NAA16: variants seen among roughly 807,000 people sequenced by gnomAD.
The protein encoded by NAA16 is N-alpha-acetyltransferase 16, NatA auxiliary subunit.
In NAA16, 97 loss-of-function variants were observed where a neutral mutation model predicts 110.3. The ratio of observed to expected loss-of-function variants is 0.88; its 90% CI spans 0.75 to 1.04. The LOEUF (loss-of-function observed/expected upper bound fraction) is 1.04, where lower values mean the gene tolerates loss of function less well. NAA16 is among the 50% of genes least tolerant of loss of function. The pLI is 0.00. For synonymous variants in NAA16, 372 were observed against 330.6 expected (o/e 1.13, Z -1.36); for missense variants, 1,017 against 1,005.1 (o/e 1.01, Z -0.16).
At chr13:41,342,060 C>T (rs1426592524) in intron 9 of NAA16, among the ~76,000 whole-genome samples, 1 of 151,222 alleles carries the variant, frequency 6.6e-6, no homozygotes, top group Non-Finnish European at 1.5e-5. Flanking sequence ...TCTCGATCTC[C>T]TGACCTCGTG....
intron 15 of NAA16, among the ~76,000 whole-genome samples, chr13:41,371,512 C>G (rs780844935): frequency 3.0e-4 from 46 of 152,254 alleles, no homozygotes; most frequent in Non-Finnish European, 5.1e-4. Flanking sequence ...TTCAGCCTAC[C>G]CAACATGAAG....
chr13:41,335,176 T>A (rs1002224148), intron 8 of NAA16, among the ~76,000 whole-genome samples: 1 of 151,436 alleles, frequency 6.6e-6, no homozygotes, highest in Non-Finnish European at 1.5e-5. Context: ...ATTGCAAGAA[T>A]AGAAAACAAA....
At chr13:41,355,446 T>C (rs545363065) in intron 10 of NAA16, among the ~76,000 whole-genome samples, 1 of 152,344 alleles carries the variant, frequency 6.6e-6, no homozygotes, top group Admixed American at 6.5e-5. Context: ...TGTTTGTTTT[T>C]TGAGACGGAG....
In NAA16 at chr13:41,369,156, A is replaced by T. The variant is rs762277660; in HGVS notation, c.1820A>T (p.Lys607Ile). Residue 607 changes from lysine to isoleucine, a missense_variant, in exon 15 of 20, where the codon AAA becomes ATA. Transcript: ENST00000379406. ...CAGAGAAGAGCTCAGAAAAAGGCTAAACTAGAAGAAGAAAGAAAGCATGCA... is the reference window on the plus strand; with the variant it reads ...CAGAGAAGAGCTCAGAAAAAGGCTATACTAGAAGAAGAAAGAAAGCATGCA... ...SKQRRAQKKA[K>I]LEEERKHAER... 6.3e-7 allele frequency: 1 copy of T among 1,596,934 alleles called. No individual in the cohort carries two copies. The highest frequency in any genetic ancestry group is 1.4e-5 in the African/African-American group (1 of 73,584).
At chr13:41,360,151 G>A (rs2043083253) in intron 12 of NAA16, among the ~76,000 whole-genome samples, 1 of 152,142 alleles carries the variant, frequency 6.6e-6, no homozygotes, top group Admixed American at 6.5e-5. Flanking sequence ...CCAAGGTAGC[G>A]ATAGGAAGTA....
chr13:41,323,044 C>G lies in NAA16; in HGVS notation c.403-12C>G. ...TTAGAGAATATTTAGCAAGTTAAAA[C>G]TTTTTTTTTAGGAGACAAGATACCA... On this transcript the variant is annotated splice_polypyrimidine_tract_variant and intron_variant, in intron 4 of 19. Transcript: ENST00000379406. The G allele has an allele frequency of 1.3e-6, 2 of 1,583,784 alleles. No homozygotes were observed. The highest frequency in any genetic ancestry group is 2.2e-5 in the South Asian group (2 of 89,324).
chr13:41,367,463 C>T lies in NAA16; in HGVS notation c.1564C>T (p.Gln522Ter). 6.3e-7 allele frequency: 1 copy of T among 1,596,848 alleles called. No homozygotes were observed. The highest frequency in any genetic ancestry group is 8.5e-7 in the Non-Finnish European group (1 of 1,169,978). The change falls in exon 14 of 20, where the codon CAA becomes TAA. Residue 522 changes from glutamine to a stop codon, truncating the protein, a stop_gained. Transcript: ENST00000379406. LOFTEE classifies it high-confidence loss of function. The part of the protein sequence containing the change: ...ERHFFEITDD[Q>*]FDFHTYCMRK... Reference sequence around the variant, plus strand: ...GCATTTTTTTGAGATAACTGATGACCAATTCGACTTCCATACATACTGCAT... The same window carrying T: ...GCATTTTTTTGAGATAACTGATGACTAATTCGACTTCCATACATACTGCAT...
intron 8 of NAA16, among the ~76,000 whole-genome samples, chr13:41,334,217 G>A (rs1447689182): frequency 6.6e-6 from 1 of 152,008 alleles, no homozygotes; most frequent in Non-Finnish European, 1.5e-5. Context: ...TGAAAGTTTT[G>A]AAAAAGCCTT....
intron 14 of NAA16, among the ~76,000 whole-genome samples, chr13:41,368,142 G>A (rs1008714367): frequency 6.6e-6 from 1 of 151,806 alleles, no homozygotes; most frequent in African/African-American, 2.4e-5. Flanking sequence ...AGCTCCTTAG[G>A]AAAAAATATA....
At chr13:41,357,026 C>A (rs1049781605) in intron 10 of NAA16, among the ~76,000 whole-genome samples, 1 of 152,156 alleles carries the variant, frequency 6.6e-6, no homozygotes, top group Non-Finnish European at 1.5e-5. Context: ...TTAAAAAGGT[C>A]CATGACGGCG....
chr13:41,372,742 G>A lies in NAA16; in HGVS notation c.2067G>A (p.Leu689=). 6.3e-7 allele frequency: 1 copy of A among 1,594,706 alleles called. No homozygotes were observed. The highest frequency in any genetic ancestry group is 8.6e-7 in the Non-Finnish European group (1 of 1,168,668). Residue 689 remains leucine (L), a synonymous_variant, in exon 17 of 20, where the codon CTG becomes CTA. Transcript: ENST00000379406. ...TTTTTTCTGACACAGGAAAGTTTCT[G>A]TTAATGCTGCAGTCTGTCAAACGAG... ...FEIYFRKGKF[L]LMLQSVKRAF...
intron 10 of NAA16, among the ~76,000 whole-genome samples, chr13:41,355,759 T>C (rs2042965873): frequency 6.6e-6 from 1 of 152,132 alleles, no homozygotes; most frequent in Non-Finnish European, 1.5e-5. Flanking sequence ...GAAACATACT[T>C]GAGAGGTTGA....
Position 41,316,878 on chromosome 13 carries a change from C to T in NAA16, c.87C>T (p.Gly29=). 1 of 1,613,488 alleles carries T rather than the reference C, an allele frequency of 6.2e-7. No homozygotes were observed. The highest frequency in any genetic ancestry group is 1.3e-5 in the African/African-American group (1 of 74,978). ...KCYEQKQYKN[G]LKFCKMILSN... ...ATGAACAGAAGCAGTACAAAAATGG[C>T]CTCAAGTTTTGCAAGATGATTCTGT... is the stretch of plus-strand genomic sequence containing the variant. Residue 29 remains glycine, a synonymous_variant, in exon 2 of 20, where the codon GGC becomes GGT. Transcript: ENST00000379406.
Position 41,358,832 on chromosome 13 carries a change from C to T in NAA16, c.1280C>T (p.Ala427Val). 1 of 1,604,922 alleles carries T rather than the reference C, an allele frequency of 6.2e-7. No individual in the cohort carries two copies. The highest frequency in any genetic ancestry group is 8.5e-7 in the Non-Finnish European group (1 of 1,174,122). The change falls in exon 12 of 20, where the codon GCT becomes GTT. Residue 427 changes from alanine (A) to valine (V), a missense_variant. Transcript: ENST00000379406. ...TAGCATATAGGTAATCTCAAAGAAGCTGCAAAGTGGATGGATGAAGCACAG... is the reference window on the plus strand; with the variant it reads ...TAGCATATAGGTAATCTCAAAGAAGTTGCAAAGTGGATGGATGAAGCACAG... ...IYKHIGNLKE[A>V]AKWMDEAQSL...
At chr13:41,358,213 C>T (rs2043036112) in intron 10 of NAA16, 91 bp from the exon 11 acceptor site, 2 of 1,074,234 alleles carry the variant, frequency 1.9e-6, no homozygotes, top group East Asian at 5.2e-5. Flanking sequence ...ATTATTATTG[C>T]AATAGTCATT....
At chr13:41,311,877 G>T (rs1173302360) in intron 1 of NAA16, among the ~76,000 whole-genome samples, 1 of 152,244 alleles carries the variant, frequency 6.6e-6, no homozygotes, top group African/African-American at 2.4e-5. Context: ...CAGCCGCCTC[G>T]GCCGGTAGTG....
chr13:41,317,839 G>T (rs1032966039), intron 2 of NAA16, among the ~76,000 whole-genome samples: 2 of 152,144 alleles, frequency 1.3e-5, no homozygotes, highest in Non-Finnish European at 2.9e-5. Context: ...CATTCTTCTT[G>T]TGTAATTCCC....
intron 13 of NAA16, among the ~76,000 whole-genome samples, chr13:41,363,405 TTC>T (rs1223446240): frequency 7.9e-5 from 12 of 152,218 alleles, no homozygotes; most frequent in African/African-American, 2.4e-4. Flanking sequence ...TTACCAAATT[TTC>T]TGTTTAAATG....
rs758901399 is a variant in NAA16 at position 41,374,742 on chromosome 13, G to A, written c.2300G>A (p.Gly767Asp). 6.2e-7 allele frequency: 1 copy of A among 1,601,496 alleles called. No individual in the cohort carries two copies. The highest frequency in any genetic ancestry group is 8.5e-7 in the Non-Finnish European group (1 of 1,169,936). The change falls in exon 19 of 20, where the codon GGT (glycine) becomes GAT (aspartate). Residue 767 changes from glycine (G) to aspartate (D), a missense_variant and splice_region_variant. Physicochemically the swap from Gly to Asp is moderately conservative, Grantham distance 94. Coordinates refer to ENST00000379406, the MANE Select transcript of NAA16 (RefSeq NM_024561.5). ...NATSLQHLLS[G>D]AKMMYFLDKS... ...ATTTTGAAATGCCTTGGTATTTCAG[G>A]TGCTAAAATGATGTATTTTCTGGAC...
Sources: allele counts gnomAD v4.1 joint callset (sites outside exome capture counted in the v4.1 genomes callset), GRCh38; gene constraint gnomAD v4.1.1; transcripts MANE v1.5; gene names NCBI Gene and HGNC (gene_info 2026-07-23, HGNC 2026-07-21).